The following FSTL5 variants were observed in gnomAD, a reference collection of about 807,000 sequenced individuals.
FSTL5 encodes the protein follistatin like 5.
In FSTL5, 62 loss-of-function variants were observed where a neutral mutation model predicts 89.1. That is an observed-to-expected ratio of 0.70 (90% CI 0.57 to 0.86). The LOEUF (loss-of-function observed/expected upper bound fraction) is 0.86. FSTL5 is among the 40% of genes least tolerant of loss of function. FSTL5 has a pLI of 0.00. For synonymous variants in FSTL5, 383 were observed against 346.2 expected, an observed-to-expected ratio of 1.11 and a Z score of -1.18; for missense variants, 1,057 against 1,001.6, an observed-to-expected ratio of 1.06 and a Z score of -0.75.
At chr4:161,622,360 G>C (rs949627798) in intron 7 of FSTL5, among the ~76,000 whole-genome samples, 2 of 151,946 alleles carry the variant, frequency 1.3e-5, no homozygotes, top group African/African-American at 4.8e-5. Flanking sequence ...AGGAAGAAGG[G>C]CTACCTCTGA....
At chr4:162,029,077 G>C (rs990968050) in intron 3 of FSTL5, among the ~76,000 whole-genome samples, 1 of 151,028 alleles carries the variant, frequency 6.6e-6, no homozygotes, top group Non-Finnish European at 1.5e-5. Context: ...ATAAAATAAA[G>C]AAAATAAAGG....
At chr4:162,062,175 A>T (rs1738738266) in intron 2 of FSTL5, among the ~76,000 whole-genome samples, 1 of 151,894 alleles carries the variant, frequency 6.6e-6, no homozygotes, top group South Asian at 2.1e-4. Context: ...ACATTAATAC[A>T]AAGTTGGTGA....
At chr4:161,849,153 T>C (rs1731472112) in intron 4 of FSTL5, among the ~76,000 whole-genome samples, 1 of 152,182 alleles carries the variant, frequency 6.6e-6, no homozygotes, top group Non-Finnish European at 1.5e-5. Flanking sequence ...TAAATAAATT[T>C]TCCTGGGCAA....
At chr4:162,140,875 T>C (rs1352649527) in intron 1 of FSTL5, among the ~76,000 whole-genome samples, 2 of 152,084 alleles carry the variant, frequency 1.3e-5, no homozygotes, top group Non-Finnish European at 2.9e-5. Context: ...CCCCAAGATG[T>C]TAACATAAGT....
chr4:161,417,346 C>T (rs1175114998), intron 15 of FSTL5, among the ~76,000 whole-genome samples: 1 of 152,208 alleles, frequency 6.6e-6, no homozygotes, highest in South Asian at 2.1e-4. Flanking sequence ...GCACTACTCC[C>T]TCTTTTAATC....
intron 3 of FSTL5, among the ~76,000 whole-genome samples, chr4:161,967,470 A>G (rs932770428): frequency 1.3e-5 from 2 of 151,976 alleles, no homozygotes; most frequent in African/African-American, 2.4e-5. Flanking sequence ...ATAATAAGCA[A>G]AACAAAACAA....
At chr4:162,064,184 G>T (rs552531555) in intron 2 of FSTL5, among the ~76,000 whole-genome samples, 5 of 151,840 alleles carry the variant, frequency 3.3e-5, no homozygotes, top group Non-Finnish European at 7.4e-5. Context: ...AAAACCATTT[G>T]TTACCTTATT....
intron 9 of FSTL5, among the ~76,000 whole-genome samples, chr4:161,542,072 G>A (rs1433793580): frequency 6.6e-6 from 1 of 151,792 alleles, no homozygotes; most frequent in Non-Finnish European, 1.5e-5. Flanking sequence ...AAAACATTTA[G>A]TAACTTTTTG....
intron 11 of FSTL5, among the ~76,000 whole-genome samples, chr4:161,505,266 A>G (rs1263837146): frequency 6.6e-6 from 1 of 152,190 alleles, no homozygotes; most frequent in Non-Finnish European, 1.5e-5. Context: ...GTTCTCATTC[A>G]CTATATCCTG....
chr4:161,844,202 A>C (rs1731298275), intron 4 of FSTL5, among the ~76,000 whole-genome samples: 2 of 152,330 alleles, frequency 1.3e-5, no homozygotes, highest in Admixed American at 6.5e-5. Flanking sequence ...GCTCATCATC[A>C]CTGGTCATTA....
intron 2 of FSTL5, among the ~76,000 whole-genome samples, chr4:162,104,274 C>A (rs1383234496): frequency 2.0e-5 from 3 of 152,198 alleles, no homozygotes; most frequent in Non-Finnish European, 2.9e-5. Context: ...TTCCACAGTT[C>A]TCTTCCGTGA....
intron 15 of FSTL5, among the ~76,000 whole-genome samples, chr4:161,447,987 G>C (rs1180572777): frequency 6.6e-6 from 1 of 152,106 alleles, no homozygotes; most frequent in South Asian, 2.1e-4. Flanking sequence ...AAAATACAGA[G>C]TTTGTGTTTG....
chr4:161,508,774 A>T (rs1730562774), intron 11 of FSTL5, among the ~76,000 whole-genome samples: 1 of 152,144 alleles, frequency 6.6e-6, no homozygotes, highest in Admixed American at 6.5e-5. Flanking sequence ...TTTACATAGC[A>T]CAGATTTGTG....
chr4:161,774,303 T>C (rs139947984), intron 5 of FSTL5, among the ~76,000 whole-genome samples: 1,680 of 152,240 alleles, frequency 0.011, 17 homozygotes, highest in Non-Finnish European at 0.018. Flanking sequence ...GACCCTTCTC[T>C]CACCCCCACT....
intron 4 of FSTL5, among the ~76,000 whole-genome samples, chr4:161,906,611 T>C (rs1330062589): frequency 1.3e-5 from 2 of 152,132 alleles, no homozygotes; most frequent in Non-Finnish European, 1.5e-5. Context: ...TGGTTCCTCT[T>C]TGGTGAGGGG....
intron 3 of FSTL5, among the ~76,000 whole-genome samples, chr4:161,967,831 GCTGA>G (rs1735370542): frequency 6.6e-6 from 1 of 151,882 alleles, no homozygotes; most frequent in African/African-American, 2.4e-5. Flanking sequence ...TGATTAAAAT[GCTGA>G]CTGAGGAATC....
At chr4:161,804,347 C>A (rs1195312140) in intron 4 of FSTL5, among the ~76,000 whole-genome samples, 1 of 151,980 alleles carries the variant, frequency 6.6e-6, no homozygotes, top group Non-Finnish European at 1.5e-5. Context: ...CTTTGGGAGT[C>A]AGGGACAGGT....
intron 1 of FSTL5, among the ~76,000 whole-genome samples, chr4:162,112,470 T>G (rs1276544199): frequency 6.6e-6 from 1 of 152,120 alleles, no homozygotes; most frequent in East Asian, 1.9e-4. Flanking sequence ...AGTCTTGAAC[T>G]CCTGGTGTCA....
intron 5 of FSTL5, among the ~76,000 whole-genome samples, chr4:161,763,918 C>G (rs1017618128): frequency 2.0e-5 from 3 of 152,158 alleles, no homozygotes; most frequent in Admixed American, 6.5e-5. Flanking sequence ...TCTTGGGCTA[C>G]TTGGTCTGAA....
Sources: allele counts gnomAD v4.1 joint callset (sites outside exome capture counted in the v4.1 genomes callset), GRCh38; gene constraint gnomAD v4.1.1; transcripts MANE v1.5; gene names NCBI Gene and HGNC (gene_info 2026-07-23, HGNC 2026-07-21).